The following ENTPD8 variants were observed in gnomAD, a reference collection of about 807,000 sequenced individuals.
The protein encoded by ENTPD8 is ectonucleoside triphosphate diphosphohydrolase 8, also known as E-NTPDase 8.
In ENTPD8, 35 loss-of-function variants were observed where a neutral mutation model predicts 47.0. The ratio of observed to expected loss-of-function variants is 0.75; its 90% confidence interval spans 0.57 to 0.99. ENTPD8 has a LOEUF of 0.99. ENTPD8 is among the 50% of genes least tolerant of loss of function. ENTPD8 has a pLI of 0.00. For synonymous variants in ENTPD8, 308 were observed against 290.5 expected, an observed-to-expected ratio of 1.06 and a Z score of -0.61; for missense variants, 668 against 649.9, an observed-to-expected ratio of 1.03 and a Z score of -0.30.
chr9:137,440,228 C>T (rs1302193822), intron 1 of ENTPD8, among the ~76,000 whole-genome samples: 1 of 56,262 alleles, frequency 1.8e-5, no homozygotes, highest in Non-Finnish European at 3.4e-5. Context: ...GACCAGGACA[C>T]CCCCTCACAC....
In ENTPD8 at chr9:137,435,116, C is replaced by T; in HGVS notation, c.1297-11G>A. 5.6e-6 allele frequency: 9 copies of T among 1,606,214 alleles called. No homozygotes were observed. Among genetic ancestry groups the T allele is most frequent in the Non-Finnish European group, 7.6e-6 (9 of 1,177,378 alleles). On this transcript the variant is annotated splice_polypyrimidine_tract_variant and intron_variant, in intron 9 of 9. Coordinates refer to ENST00000371506, the MANE Select transcript of ENTPD8 (RefSeq NM_001033113.2). ...GTCCACACCGCCCGCCTGCGGGACA[C>T]ACGGCTGCTCAGGGCTGCGGGGCAG... is the stretch of plus-strand genomic sequence containing the variant.
At position 137,436,984 on chromosome 9, in the gene ENTPD8, G is replaced by A. The variant is rs753227484; in HGVS notation, c.440C>T (p.Thr147Ile). Residue 147 changes from threonine to isoleucine, a missense_variant, in exon 5 of 10, where the codon ACC becomes ATC. Transcript: ENST00000371506. ...SQARDIFAAVTQVLGRSPVDF... is the reference protein window; with the variant it reads ...SQARDIFAAVIQVLGRSPVDF... ...CACGGGAGACCGGCCCAGGACCTGG[G>A]TGACTGCTGCAAAGATGTCCCTGGC... 2 of 1,612,980 alleles carry A rather than the reference G, an allele frequency of 1.2e-6. No individual in the cohort carries two copies. The highest frequency in any genetic ancestry group is 2.2e-5 in the South Asian group (2 of 91,090).
In ENTPD8 at chr9:137,434,923, C is replaced by A. The variant is rs752873757; in HGVS notation, c.1479G>T (p.Leu493Phe). 6.2e-7 allele frequency: 1 copy of A among 1,609,538 alleles called. No individual in the cohort carries two copies. Among genetic ancestry groups the A allele is most frequent in the South Asian group, 1.1e-5 (1 of 90,620 alleles). ...CACCTCCGCCTTCCCACTAGTCCTG[C>A]AACCAGAAGAGCTGGACCAAGGCAG... ...VGAALVQLFW[L>F]QD is the part of the protein sequence containing the mutation. Residue 493 changes from leucine (L) to phenylalanine (F), a missense_variant, in exon 10 of 10, where the codon TTG becomes TTT. Leu to Phe is a conservative substitution (Grantham distance 22, BLOSUM62 0). Coordinates refer to ENST00000371506, the MANE Select transcript of ENTPD8 (RefSeq NM_001033113.2).
intron 8 of ENTPD8, 67 bp from the exon 9 acceptor site, chr9:137,435,405 A>C: frequency 6.4e-7 from 1 of 1,556,454 alleles, no homozygotes; most frequent in Non-Finnish European, 8.7e-7. Flanking sequence ...GGACCGCCCC[A>C]TCTGTCCTGG....
chr9:137,437,255 T>C lies in ENTPD8; in HGVS notation c.299A>G (p.Gln100Arg), dbSNP rs1564247693. The C allele has an allele frequency of 1.9e-6, 3 of 1,613,014 alleles. No homozygotes were observed. Among genetic ancestry groups the C allele is most frequent in the Non-Finnish European group, 2.5e-6 (3 of 1,179,978 alleles). ...CACCAGCGCCTCCTCCAAGCAGCCCTGCAGGCTCTCACCAGCCTGTGCAGC... is the reference window on the plus strand; with the variant it reads ...CACCAGCGCCTCCTCCAAGCAGCCCCGCAGGCTCTCACCAGCCTGTGCAGC... ...SNAAQAGESL[Q>R]GCLEEALVLI... Residue 100 changes from glutamine (Q) to arginine (R), a missense_variant, in exon 4 of 10, where the codon CAG becomes CGG. Coordinates refer to ENST00000371506, the MANE Select transcript of ENTPD8 (RefSeq NM_001033113.2).
chr9:137,435,669 T>G (rs1839325032), intron 8 of ENTPD8, 50 bp downstream of exon 8: 1 of 1,535,916 alleles, frequency 6.5e-7, no homozygotes, highest in African/African-American at 1.4e-5. Flanking sequence ...GAGGCAGCCC[T>G]GTACCCTCAG....
At position 137,438,407 on chromosome 9, in the gene ENTPD8, T is replaced by G; in HGVS notation, c.-20-102A>C. The G allele has an allele frequency of 7.7e-7, 1 of 1,297,096 alleles. No homozygotes were observed. Among genetic ancestry groups the G allele is most frequent in the Non-Finnish European group, 1.0e-6 (1 of 976,806 alleles). 80.3% of individuals were successfully genotyped at this position (1,297,096 alleles called of 1,614,324 possible). Reference sequence around the variant, plus strand: ...CCCCGTCTCCCTGGAGACGCACCCCTGGACAGCCACTTGCCTTAGAGGCAT... The same window carrying G: ...CCCCGTCTCCCTGGAGACGCACCCCGGGACAGCCACTTGCCTTAGAGGCAT... On this transcript the variant is annotated intron_variant, in intron 1 of 9. Transcript: ENST00000371506. This position sits in a 1 kb window ranked among gnomAD's most constrained non-coding sequence, Gnocchi z 5.7.
chr9:137,435,093 C>G lies in ENTPD8; in HGVS notation c.1309G>C (p.Asp437His), dbSNP rs766824284. ...ATGTAGCCCAGTGTCCAGCCAATGT[C>G]CACACCGCCCGCCTGCGGGACACAC... ...LEFRKQAGGV[D>H]IGWTLGYMLN... Residue 437 changes from aspartate to histidine, a missense_variant, in exon 10 of 10, where the codon GAC (aspartate) becomes CAC (histidine). By Grantham distance (81) the Asp-to-His change is moderately conservative. Transcript: ENST00000371506. The G allele has an allele frequency of 5.6e-6, 9 of 1,609,888 alleles. No individual in the cohort carries two copies. In the Admixed American group the frequency reaches 1.3e-4, roughly 24 times the overall value.
rs1294549542 is a variant in ENTPD8 at position 137,437,928 on chromosome 9, G to A, written c.244+39C>T. 1.9e-6 allele frequency: 3 copies of A among 1,544,218 alleles called. No homozygotes were observed. In the Admixed American group the frequency reaches 5.2e-5, roughly 27 times the overall value. Reference sequence around the variant, plus strand: ...TGGGAATCCCAGCCAGGCAGCAACAGGCAGGTCCCAGCACCGGGCTGCAGA... The same window carrying A: ...TGGGAATCCCAGCCAGGCAGCAACAAGCAGGTCCCAGCACCGGGCTGCAGA... On this transcript the variant is annotated intron_variant, in intron 3 of 9. Coordinates refer to ENST00000371506, the MANE Select transcript of ENTPD8 (RefSeq NM_001033113.2).
intron 6 of ENTPD8, 89 bp from the exon 7 acceptor site, chr9:137,436,365 G>A (rs368392510): frequency 4.8e-5 from 68 of 1,423,916 alleles, no homozygotes; most frequent in African/African-American, 4.7e-4. Context: ...CCAGCCCCGC[G>A]CCCATACCCT....
chr9:137,436,405 C>A, intron 6 of ENTPD8, 116 bp downstream of exon 6: 1 of 1,339,792 alleles, frequency 7.5e-7, no homozygotes, highest in Non-Finnish European at 1.0e-6. Context: ...GGATGACCCA[C>A]GCCAGCCCCG....
intron 3 of ENTPD8, among the ~76,000 whole-genome samples, chr9:137,437,616 C>T (rs1461535619): frequency 6.6e-6 from 1 of 152,222 alleles, no homozygotes; most frequent in African/African-American, 2.4e-5. Context: ...CTCCTGTTTT[C>T]CCCTCTCAGG....
chr9:137,435,764 C>G lies in ENTPD8; in HGVS notation c.1116G>C (p.Thr372=), dbSNP rs376246720. 2.5e-6 allele frequency: 4 copies of G among 1,613,392 alleles called. No homozygotes were observed. The Admixed American group carries it at 6.7e-5, about 27-fold the overall frequency. ...LNLTSRQPLS[T]VNATIWEFCQ... ...AAAACTCCCAGATGGTGGCGTTGAC[C>G]GTGCTCAGGGGCTGCCTGGAGGTGA... Residue 372 remains threonine (T), a synonymous_variant, in exon 8 of 10, where the codon ACG becomes ACC. Transcript: ENST00000371506.
chr9:137,435,060 G>T lies in ENTPD8; in HGVS notation c.1342C>A (p.Leu448Met). The T allele has an allele frequency of 6.2e-6, 10 of 1,612,234 alleles. No individual in the cohort carries two copies. The highest frequency in any genetic ancestry group is 8.5e-6 in the Non-Finnish European group (10 of 1,179,854). Residue 448 changes from leucine (L) to methionine (M), a missense_variant, in exon 10 of 10, where the codon CTG (leucine) becomes ATG (methionine). Coordinates refer to ENST00000371506, the MANE Select transcript of ENTPD8 (RefSeq NM_001033113.2). Reference protein sequence around the residue: ...IGWTLGYMLNLTGMIPADAPA... With the variant: ...IGWTLGYMLNMTGMIPADAPA... ...GCATCGGCCGGGATCATCCCGGTCA[G>T]GTTCAGCATGTAGCCCAGTGTCCAG...
At chr9:137,435,579 G>A (rs1839321618) in intron 8 of ENTPD8, 140 bp downstream of exon 8, 8 of 1,029,612 alleles carry the variant, frequency 7.8e-6, no homozygotes, top group Non-Finnish European at 9.7e-6. Flanking sequence ...GGAGTGGCAC[G>A]GCCTGGAGCT....
chr9:137,436,263 G>T lies in ENTPD8; in HGVS notation c.800C>A (p.Ala267Asp), dbSNP rs907612784. Residue 267 changes from alanine to aspartate, a missense_variant, in exon 7 of 10, where the codon GCC (alanine) becomes GAC (aspartate). Ala to Asp is a moderately radical substitution (Grantham distance 126). Coordinates refer to ENST00000371506, the MANE Select transcript of ENTPD8 (RefSeq NM_001033113.2). Reference sequence around the variant, plus strand: ...GAGGTAGCACGGGTGACGGAGCAGGGCAGCCGGGCGGCTCTGCAGAGGGCA... The same window carrying T: ...GAGGTAGCACGGGTGACGGAGCAGGTCAGCCGGGCGGCTCTGCAGAGGGCA... ...LVGLVQSRPAALLRHPCYLSG... is the reference protein window; with the variant it reads ...LVGLVQSRPADLLRHPCYLSG... The T allele has an allele frequency of 6.3e-6, 10 of 1,593,114 alleles. No individual in the cohort carries two copies. Among genetic ancestry groups the T allele is most frequent in the Non-Finnish European group, 8.6e-6 (10 of 1,168,038 alleles).
At position 137,434,804 on chromosome 9, in the gene ENTPD8, G is replaced by C; in HGVS notation, c.*110C>G. ...CCCTGGAGGTGGCTGTCACCTGACC[G>C]TGGGCAGAGCCACAGAGCAAGGCCC... On this transcript the variant is annotated 3_prime_UTR_variant, in exon 10 of 10. Transcript: ENST00000371506. 1 of 1,341,838 alleles carries C rather than the reference G, an allele frequency of 7.5e-7. No homozygotes were observed. The highest frequency in any genetic ancestry group is 9.9e-7 in the Non-Finnish European group (1 of 1,011,774). 83.1% of individuals were successfully genotyped at this position (1,341,838 alleles called of 1,614,324 possible).
intron 3 of ENTPD8, 74 bp from the exon 4 acceptor site, chr9:137,437,383 G>C: frequency 6.5e-7 from 1 of 1,527,674 alleles, no homozygotes; most frequent in Non-Finnish European, 8.8e-7. Flanking sequence ...CCAAAGACAT[G>C]ACCACCTCAT....
Position 137,434,907 on chromosome 9 carries a change from C to T in ENTPD8, c.*7G>A. Reference sequence around the variant, plus strand: ...GGGCTCTGTGGGGGCCCACCTCCGCCTTCCCACTAGTCCTGCAACCAGAAG... The same window carrying T: ...GGGCTCTGTGGGGGCCCACCTCCGCTTTCCCACTAGTCCTGCAACCAGAAG... On this transcript the variant is annotated 3_prime_UTR_variant, in exon 10 of 10. Transcript: ENST00000371506. The T allele has an allele frequency of 6.2e-7, 1 of 1,603,702 alleles. No individual in the cohort carries two copies.
Sources: gnomAD v4.1 joint callset for allele counts (sites outside exome capture counted in the v4.1 genomes callset) on GRCh38, gnomAD v4.1.1 for gene constraint, Gnocchi (gnomAD v3.1) non-coding constraint, MANE v1.5 for transcripts, NCBI Gene and HGNC (gene_info 2026-07-23, HGNC 2026-07-21) for gene names.